FRY: variants seen among roughly 807,000 people sequenced by gnomAD.
FRY encodes FRY microtubule binding protein.
In FRY, 128 loss-of-function variants were observed where a neutral mutation model predicts 348.4. The observed-to-expected ratio is 0.37, with a 90% confidence interval of 0.32 to 0.43. The LOEUF is 0.43. Among genes scored for constraint, FRY ranks in the 20% least tolerant of loss-of-function variants. FRY has a pLI of 1.00. For missense variants in FRY, 2,736 were observed against 3,695.2 expected, an observed-to-expected ratio of 0.74 and a Z score of 6.73; for synonymous variants, 1,370 against 1,374.7, an observed-to-expected ratio of 1.00 and a Z score of 0.08.
chr13:32,056,207 G>A (rs1323186114), intron 1 of FRY, among the ~76,000 whole-genome samples: 2 of 120,774 alleles, frequency 1.7e-5, no homozygotes, highest in Middle Eastern at 3.8e-3. Context: ...AAAAAAAAAA[G>A]GAATATACCT....
At chr13:32,105,078 A>T (rs750557677) in intron 3 of FRY, among the ~76,000 whole-genome samples, 3 of 152,244 alleles carry the variant, frequency 2.0e-5, no homozygotes, top group African/African-American at 4.8e-5. Flanking sequence ...GTGGGGAAAA[A>T]GTTGGCAAAG....
chr13:32,289,307 T>C (rs1290449459), intron 58 of FRY, among the ~76,000 whole-genome samples: 1 of 152,214 alleles, frequency 6.6e-6, no homozygotes, highest in Non-Finnish European at 1.5e-5. Context: ...ATTTATAGCT[T>C]ATAAAAATGA....
intron 34 of FRY, among the ~76,000 whole-genome samples, chr13:32,211,394 G>A (rs1227139455): frequency 1.3e-5 from 2 of 152,248 alleles, no homozygotes; most frequent in South Asian, 2.1e-4. Context: ...ACGAGGCAGA[G>A]GTGGCAGTGA....
intron 17 of FRY, among the ~76,000 whole-genome samples, chr13:32,166,074 G>T (rs1373598311): frequency 1.3e-5 from 2 of 148,990 alleles, no homozygotes; most frequent in Non-Finnish European, 3.0e-5. Context: ...TGCCAGGCCT[G>T]CTTAGTGCTC....
intron 2 of FRY, among the ~76,000 whole-genome samples, chr13:32,097,018 A>G (rs1336516156): frequency 2.0e-5 from 3 of 152,116 alleles, no homozygotes; most frequent in Admixed American, 1.3e-4. Context: ...TATGTATGCA[A>G]AAATGTGTAA....
At chr13:32,141,340 A>G (rs571501402) in intron 11 of FRY, among the ~76,000 whole-genome samples, 1 of 152,354 alleles carries the variant, frequency 6.6e-6, no homozygotes, top group South Asian at 2.1e-4. Flanking sequence ...TCAAGTATCA[A>G]AAAGAAATGT....
intron 1 of FRY, among the ~76,000 whole-genome samples, chr13:32,033,214 T>A (rs1164927513): frequency 6.6e-6 from 1 of 152,208 alleles, no homozygotes; most frequent in African/African-American, 2.4e-5. Flanking sequence ...CTCATTATTT[T>A]TATAATACTT....
chr13:32,034,895 C>G (rs17077002), intron 1 of FRY, among the ~76,000 whole-genome samples: 1 of 152,176 alleles, frequency 6.6e-6, no homozygotes, highest in African/African-American at 2.4e-5. Context: ...AATAAGGCCT[C>G]GCTTACCTAG....
chr13:32,178,033 T>A (rs1422495199), intron 20 of FRY, 144 bp from the exon 21 acceptor site: 2 of 800,058 alleles, frequency 2.5e-6, no homozygotes, highest in Non-Finnish European at 4.3e-6. Context: ...ATGTGGTAGG[T>A]GCAGGATTGG....
In FRY at chr13:32,178,225, T is replaced by C. The variant is rs1377799366; in HGVS notation, c.2470T>C (p.Trp824Arg). 1.9e-6 allele frequency: 3 copies of C among 1,614,076 alleles called. No individual in the cohort carries two copies. The East Asian group carries it at 6.7e-5, about 36-fold the overall frequency. The change falls in exon 21 of 61, where the codon TGG becomes CGG. Residue 824 changes from tryptophan (W) to arginine (R), a missense_variant. Trp to Arg is a moderately radical substitution (Grantham distance 101). This residue lies in a region of FRY where 449 missense variants were observed against 576.9 expected (regional missense o/e 0.78). Transcript: ENST00000542859. ...HNVDLQWLVE[W>R]NAVLVNSHYD... ...TGTGGATCTGCAGTGGTTGGTGGAA[T>C]GGAACGCAGTCCTGGTCAATAGCCA...
chr13:32,119,647 A>G (rs1198970236), intron 4 of FRY, among the ~76,000 whole-genome samples: 1 of 151,824 alleles, frequency 6.6e-6, no homozygotes, highest in Non-Finnish European at 1.5e-5. Flanking sequence ...GGTCTTTCCA[A>G]CTTCCTGTCT....
chr13:32,074,173 C>T (rs1182735387), intron 1 of FRY, among the ~76,000 whole-genome samples: 1 of 152,072 alleles, frequency 6.6e-6, no homozygotes, highest in South Asian at 2.1e-4. Flanking sequence ...AAGGAATGGG[C>T]CCTGCTTAAT....
At chr13:32,104,230 C>T (rs1264871442) in intron 3 of FRY, among the ~76,000 whole-genome samples, 1 of 152,214 alleles carries the variant, frequency 6.6e-6, no homozygotes, top group Non-Finnish European at 1.5e-5. Context: ...GTGGAAAAGA[C>T]ATGACCTTTG....
chr13:32,210,779 A>G (rs974761669), intron 33 of FRY, 87 bp from the exon 34 acceptor site: 1 of 1,071,334 alleles, frequency 9.3e-7, no homozygotes, highest in Non-Finnish European at 1.4e-6. Context: ...CATGATGACA[A>G]CTTATCTAAA....
At chr13:32,193,983 A>G (rs1053443567) in intron 28 of FRY, among the ~76,000 whole-genome samples, 160 bp from the exon 29 acceptor site, 5 of 152,238 alleles carry the variant, frequency 3.3e-5, no homozygotes, top group African/African-American at 1.2e-4. Context: ...TTCAGTTACG[A>G]CATTATACTC....
chr13:32,058,127 T>C (rs1212659154), intron 1 of FRY, among the ~76,000 whole-genome samples: 1 of 152,200 alleles, frequency 6.6e-6, no homozygotes, highest in Non-Finnish European at 1.5e-5. Flanking sequence ...ATCAATTAAG[T>C]CAACAATCCA....
intron 1 of FRY, among the ~76,000 whole-genome samples, chr13:32,064,562 A>C (rs1874132046): frequency 6.6e-6 from 1 of 152,184 alleles, no homozygotes; most frequent in Non-Finnish European, 1.5e-5. Flanking sequence ...CAGATAGCCC[A>C]ATACCCCAAG....
intron 40 of FRY, among the ~76,000 whole-genome samples, chr13:32,230,375 C>T (rs1885842071): frequency 1.3e-5 from 2 of 152,166 alleles, no homozygotes; most frequent in South Asian, 2.1e-4. Flanking sequence ...CAGCTCCATC[C>T]ATGTCACTGC....
chr13:32,245,299 T>C (rs528791722), intron 47 of FRY, among the ~76,000 whole-genome samples: 1 of 151,998 alleles, frequency 6.6e-6, no homozygotes, highest in African/African-American at 2.4e-5. Context: ...CAATTTATTT[T>C]AATGAAAATA....
Sources: allele counts gnomAD v4.1 joint callset (sites outside exome capture counted in the v4.1 genomes callset), GRCh38; gene constraint gnomAD v4.1.1; regional missense constraint gnomAD v4.1.1; transcripts MANE v1.5; gene names NCBI Gene and HGNC (gene_info 2026-07-23, HGNC 2026-07-21).